Variants in CDH10 observed in about 807,000 individuals in gnomAD.
CDH10 encodes the protein cadherin 10, also known as cadherin-10.
A neutral mutation model predicts 73.1 loss-of-function variants in CDH10; 30 were observed. The observed-to-expected ratio is 0.41, with a 90% CI of 0.31 to 0.56. The LOEUF is 0.56. Among genes scored for constraint, CDH10 ranks in the 20% least tolerant of loss-of-function variants. The pLI is 0.27. For missense variants in CDH10, 815 were observed against 973.7 expected (o/e 0.84, Z 2.17); for synonymous variants, 345 against 348.2 (o/e 0.99, Z 0.10).
intron 2 of CDH10, among the ~76,000 whole-genome samples, chr5:24,575,923 C>A (rs1302374844): frequency 6.6e-6 from 1 of 151,750 alleles, no homozygotes; most frequent in Non-Finnish European, 1.5e-5. Flanking sequence ...AGTTAACTTC[C>A]AAAATGTTCA....
rs186291031 is a variant in CDH10 at position 24,499,755 on chromosome 5, C to G, written c.1394-1236G>C. Among the ~76,000 whole-genome samples the G allele has an allele frequency of 3.7e-3, 555 of 151,856 alleles. 4 individuals carry two copies. The highest frequency in any genetic ancestry group is 0.013 in the African/African-American group (524 of 41,424). ...TAAATTAATAAAAATATAAATACCA[C>G]TTTATTTAGCTTAGCTTTGAGTAAC... On this transcript the variant is annotated intron_variant, in intron 8 of 11. Transcript: ENST00000264463.
At chr5:24,548,290 A>G (rs945486649) in intron 2 of CDH10, among the ~76,000 whole-genome samples, 7 of 151,498 alleles carry the variant, frequency 4.6e-5, no homozygotes, top group Admixed American at 4.6e-4. Context: ...ACCATGCCCC[A>G]TGTATTTTTA....
chr5:24,585,634 G>C (rs756607102), intron 2 of CDH10, among the ~76,000 whole-genome samples: 1 of 152,072 alleles, frequency 6.6e-6, no homozygotes, highest in Admixed American at 6.5e-5. Flanking sequence ...ATATTGTCCA[G>C]GCTGGTCTCA....
intron 5 of CDH10, among the ~76,000 whole-genome samples, chr5:24,533,492 CAT>C (rs1323556074): frequency 2.6e-5 from 4 of 151,918 alleles, no homozygotes; most frequent in Non-Finnish European, 2.9e-5. Context: ...ATTTTAGACA[CAT>C]GTGTATATAT....
chr5:24,614,278 AAT>A (rs1747056072), intron 1 of CDH10, among the ~76,000 whole-genome samples: 1 of 152,206 alleles, frequency 6.6e-6, no homozygotes, highest in Non-Finnish European at 1.5e-5. Context: ...AAGTATGGAT[AAT>A]GTTATGCTTG....
chr5:24,629,162 T>A (rs1747615667), intron 1 of CDH10, among the ~76,000 whole-genome samples: 1 of 152,178 alleles, frequency 6.6e-6, no homozygotes, highest in Admixed American at 6.5e-5. Context: ...AAATGAGTAA[T>A]ATCCTCTACC....
chr5:24,641,592 C>T (rs1485661280), intron 1 of CDH10, among the ~76,000 whole-genome samples: 1 of 152,018 alleles, frequency 6.6e-6, no homozygotes, highest in Non-Finnish European at 1.5e-5. Flanking sequence ...TCTGTGCTAA[C>T]TTTCAGTTTT....
chr5:24,594,147 C>A (rs1746292456), intron 1 of CDH10, among the ~76,000 whole-genome samples: 1 of 151,714 alleles, frequency 6.6e-6, no homozygotes, highest in Non-Finnish European at 1.5e-5. Flanking sequence ...ACTAGGAATG[C>A]CTTCCTTTGA....
chr5:24,487,529 A>G lies in CDH10; in HGVS notation c.*134T>C. ...AGGAAAGAATTAATGTAATTAATGA[A>G]CAAATTAAGAAGTAAATGAGAAAAA... On this transcript the variant is annotated 3_prime_UTR_variant, in exon 12 of 12. Coordinates refer to ENST00000264463, the MANE Select transcript of CDH10 (RefSeq NM_006727.5). The G allele has an allele frequency of 1.3e-6, 1 of 765,180 alleles. No individual in the cohort carries two copies. The highest frequency in any genetic ancestry group is 2.2e-6 in the Non-Finnish European group (1 of 458,918). The allele number at this position is 765,180 out of a possible 1,614,324, so 47.4% of individuals were successfully genotyped here.
intron 2 of CDH10, among the ~76,000 whole-genome samples, chr5:24,582,782 C>T (rs1003828424): frequency 6.6e-6 from 1 of 152,116 alleles, no homozygotes; most frequent in Admixed American, 6.5e-5. Flanking sequence ...GCTCACTTAG[C>T]ATGAACAATA....
chr5:24,569,109 C>A (rs200454556), intron 2 of CDH10, among the ~76,000 whole-genome samples: 9 of 147,274 alleles, frequency 6.1e-5, no homozygotes, highest in Non-Finnish European at 9.0e-5. Context: ...GACTCTGTCT[C>A]AAAAAAAAAA....
intron 1 of CDH10, among the ~76,000 whole-genome samples, chr5:24,638,561 A>C (rs1474197461): frequency 6.6e-6 from 1 of 151,860 alleles, no homozygotes; most frequent in Admixed American, 6.6e-5. Context: ...AGATAAATAA[A>C]GATTTTCTGT....
chr5:24,614,422 T>C (rs1360787380), intron 1 of CDH10, among the ~76,000 whole-genome samples: 2 of 152,204 alleles, frequency 1.3e-5, no homozygotes, highest in East Asian at 3.8e-4. Context: ...GATCCAATGT[T>C]ACAGAATTTG....
Position 24,589,973 on chromosome 5 carries a change from G to A in CDH10, c.231+3287C>T, listed in dbSNP as rs868339413. ...TGCCTTGGAAGATAAAGAGAGGGGA[G>A]TGAGTATATAGGAAATACCTACATA... On this transcript the variant is annotated intron_variant, in intron 2 of 11. Transcript: ENST00000264463. Among the ~76,000 whole-genome samples the A allele has an allele frequency of 3.3e-5, 5 of 152,096 alleles. 1 individual carries two copies. In the Middle Eastern group the frequency reaches 0.01, roughly 310 times the overall value.
At chr5:24,563,802 GA>G (rs1745061007) in intron 2 of CDH10, among the ~76,000 whole-genome samples, 2 of 141,044 alleles carry the variant, frequency 1.4e-5, no homozygotes, top group African/African-American at 5.2e-5. Context: ...AAAAAAAAGA[GA>G]AAAAAACTAT....
At chr5:24,638,862 T>C (rs567360404) in intron 1 of CDH10, among the ~76,000 whole-genome samples, 7 of 151,984 alleles carry the variant, frequency 4.6e-5, no homozygotes, top group Middle Eastern at 3.4e-3. Flanking sequence ...TCCAATAGTT[T>C]CTTTTCTTCA....
At position 24,488,574 on chromosome 5, in the gene CDH10, C is replaced by A. The variant is rs188848103; in HGVS notation, c.1877-421G>T. 1.3e-3 allele frequency among the ~76,000 whole-genome samples: 204 copies of A among 152,102 alleles called. 1 individual carries two copies. The highest frequency in any genetic ancestry group is 3.1e-3 in the Admixed American group (47 of 15,254). ...GACAATTTAAAAGGACAACACGATGCTTACTTTTTTCAAAGCATTTACACA... is the reference window on the plus strand; with the variant it reads ...GACAATTTAAAAGGACAACACGATGATTACTTTTTTCAAAGCATTTACACA... On this transcript the variant is annotated intron_variant, in intron 11 of 11. Coordinates refer to ENST00000264463, the MANE Select transcript of CDH10 (RefSeq NM_006727.5).
At chr5:24,498,294 G>T (rs1191091603) in intron 9 of CDH10, 104 bp downstream of exon 9, 6 of 663,334 alleles carry the variant, frequency 9.0e-6, no homozygotes, top group Non-Finnish European at 1.6e-5. Flanking sequence ...GACTCTATAT[G>T]AGTATTTCCA....
At chr5:24,583,262 T>C (rs948469619) in intron 2 of CDH10, among the ~76,000 whole-genome samples, 2 of 149,474 alleles carry the variant, frequency 1.3e-5, no homozygotes, top group African/African-American at 4.9e-5. Context: ...TACACTGCCA[T>C]GTTTCCAAAA....
Sources: gnomAD v4.1 joint callset for allele counts (sites outside exome capture counted in the v4.1 genomes callset) on GRCh38, gnomAD v4.1.1 for gene constraint, MANE v1.5 for transcripts, NCBI Gene and HGNC (gene_info 2026-07-23, HGNC 2026-07-21) for gene names.